Variants in TFEB observed in about 807,000 individuals in gnomAD.
TFEB encodes T-cell transcription factor EB.
Under a neutral mutation model 48.0 loss-of-function variants are expected in TFEB, and 12 were observed. That is an observed-to-expected ratio of 0.25 (90% CI 0.16 to 0.40). The LOEUF (loss-of-function observed/expected upper bound fraction) is 0.40. Among genes scored for constraint, TFEB ranks in the 10% least tolerant of loss-of-function variants. TFEB has a pLI of 1.00. For synonymous variants in TFEB, 244 were observed against 261.4 expected, an observed-to-expected ratio of 0.93 and a Z score of 0.64; for missense variants, 509 against 640.3, an observed-to-expected ratio of 0.79 and a Z score of 2.21.
At position 41,719,408 on chromosome 6, in the gene TFEB, C is replaced by T. The variant is rs567860253; in HGVS notation, c.-23+15942G>A. ...CCATCCATGGAAAAACTGTCTTCCA[C>T]GAAACCAGTCCCTGGTGCCAAAAAG... On this transcript the variant is annotated intron_variant, in intron 1 of 8. Transcript: ENST00000373033. Among the ~76,000 whole-genome samples the T allele has an allele frequency of 7.9e-5, 12 of 152,344 alleles. No individual in the cohort carries two copies. The East Asian group carries it at 1.9e-3, about 24-fold the overall frequency.
chr6:41,713,513 G>A (rs750298434), intron 1 of TFEB, among the ~76,000 whole-genome samples: 2 of 152,174 alleles, frequency 1.3e-5, no homozygotes, highest in Non-Finnish European at 2.9e-5. Context: ...GTAGGCATGG[G>A]CAGCCTACTC....
At chr6:41,703,379 C>T (rs1770039447) in intron 1 of TFEB, among the ~76,000 whole-genome samples, 1 of 152,174 alleles carries the variant, frequency 6.6e-6, no homozygotes, top group Non-Finnish European at 1.5e-5. Flanking sequence ...CGCCTCAGCC[C>T]TCCCTGCCCC....
chr6:41,701,006 C>T (rs1769890773), intron 1 of TFEB, among the ~76,000 whole-genome samples: 1 of 152,232 alleles, frequency 6.6e-6, no homozygotes, highest in South Asian at 2.1e-4. Context: ...GGACATGTAG[C>T]TAATAGGAAC....
rs367965298 is a variant in TFEB, at chr6:41,716,991, G to A, written c.-23+18359C>T. ...CAGGTGACCGGCCACCCTCCATGAA[G>A]GGTGGGGGCATCAAAGGACTGGGCA... On this transcript the variant is annotated intron_variant, in intron 1 of 8. Transcript: ENST00000373033. Among the ~76,000 whole-genome samples, 35 of 152,310 alleles carry A rather than the reference G, an allele frequency of 2.3e-4. No individual in the cohort carries two copies. The East Asian group carries it at 5.4e-3, about 24-fold the overall frequency.
At chr6:41,705,451 G>T (rs1428957633) in intron 1 of TFEB, among the ~76,000 whole-genome samples, 5 of 152,150 alleles carry the variant, frequency 3.3e-5, no homozygotes, top group African/African-American at 9.7e-5. Context: ...TGACTTCAGG[G>T]TTCCCTGAGA....
At chr6:41,731,983 C>A (rs73733013) in intron 1 of TFEB, among the ~76,000 whole-genome samples, 1 of 152,186 alleles carries the variant, frequency 6.6e-6, no homozygotes, top group Non-Finnish European at 1.5e-5. Flanking sequence ...GGCCAGGAAA[C>A]AGGTATGGTG....
Position 41,720,708 on chromosome 6 carries a change from A to G in TFEB, c.-23+14642T>C. 1 of 152,290 alleles carries G rather than the reference A, an allele frequency of 6.6e-6. No homozygotes were observed. Among genetic ancestry groups the G allele is most frequent in the Non-Finnish European group, 1.5e-5 (1 of 68,052 alleles). 9.4% of individuals were successfully genotyped at this position (152,290 alleles called of 1,614,324 possible). On this transcript the variant is annotated intron_variant, in intron 1 of 8. Coordinates refer to ENST00000373033, the MANE Select transcript of TFEB (RefSeq NM_001271944.2). This position sits in a 1 kb window ranked among gnomAD's most constrained non-coding sequence, Gnocchi z 4.1. The stretch of plus-strand genomic sequence containing the variant: ...GGCCAGGCCCACGTGGGTCTCACCC[A>G]TAGTGACTACAGATCCTGCAAGCTG...
intron 1 of TFEB, among the ~76,000 whole-genome samples, chr6:41,713,574 A>T (rs1166206968): frequency 7.2e-5 from 11 of 151,920 alleles, no homozygotes; most frequent in African/African-American, 2.7e-4. Flanking sequence ...GCAGCCACCT[A>T]CCCCCAGGGA....
intron 1 of TFEB, among the ~76,000 whole-genome samples, chr6:41,694,003 C>T (rs1769446639): frequency 6.6e-6 from 1 of 151,968 alleles, no homozygotes; most frequent in African/African-American, 2.4e-5. Flanking sequence ...CTGGCTCACC[C>T]CCCCACCCTT....
chr6:41,695,927 AC>A (rs1248094450), intron 1 of TFEB, among the ~76,000 whole-genome samples: 1 of 152,138 alleles, frequency 6.6e-6, no homozygotes, highest in African/African-American at 2.4e-5. Flanking sequence ...CCCCAGCTCC[AC>A]CTGGGCTGGC....
Position 41,684,928 on chromosome 6 carries a change from C to T in TFEB, c.1102G>A (p.Asp368Asn). Residue 368 changes from aspartate (D) to asparagine (N), a missense_variant, in exon 9 of 9, where the codon GAC (aspartate) becomes AAC (asparagine). Around this residue, in one of 4 missense-constraint regions of TFEB, gnomAD observed 168 missense variants for 161.0 expected, o/e 1.04. Transcript: ENST00000373033. ...EALMLGAEVPDPEPLPALPPQ... is the reference protein window; with the variant it reads ...EALMLGAEVPNPEPLPALPPQ... The stretch of plus-strand genomic sequence containing the variant: ...GGCAGAGCTGGCAGTGGCTCAGGGT[C>T]AGGGACCTCAGCCCCCAGCATCAGG... The T allele has an allele frequency of 1.9e-6, 3 of 1,584,812 alleles. No individual in the cohort carries two copies. Among genetic ancestry groups the T allele is most frequent in the Non-Finnish European group, 2.6e-6 (3 of 1,165,694 alleles).
At position 41,723,336 on chromosome 6, in the gene TFEB, A is replaced by C; in HGVS notation, c.-23+12014T>G. The C allele has an allele frequency of 1.7e-6, 1 of 596,984 alleles. No homozygotes were observed. Among genetic ancestry groups the C allele is most frequent in the Admixed American group, 2.4e-5 (1 of 40,966 alleles). 37.0% of individuals were successfully genotyped at this position (596,984 alleles called of 1,614,324 possible). On this transcript the variant is annotated intron_variant, in intron 1 of 8. Coordinates refer to ENST00000373033, the MANE Select transcript of TFEB (RefSeq NM_001271944.2). The surrounding 1 kb of genome is among the most constrained non-coding windows in gnomAD (Gnocchi z 6.0). Reference sequence around the variant, plus strand: ...CATCCCTACCCACCCACCTCCCCAAAGACACCACACGCATGCACATACACT... The same window carrying C: ...CATCCCTACCCACCCACCTCCCCAACGACACCACACGCATGCACATACACT...
intron 6 of TFEB, 99 bp from the exon 7 acceptor site, chr6:41,687,268 C>T (rs1769060349): frequency 1.0e-6 from 1 of 990,560 alleles, no homozygotes; most frequent in South Asian, 1.3e-5. Flanking sequence ...TTCAGGGCAG[C>T]CTGCAGCTTA....
intron 1 of TFEB, among the ~76,000 whole-genome samples, chr6:41,731,132 C>A (rs1382182740): frequency 2.0e-5 from 3 of 152,192 alleles, no homozygotes; most frequent in Non-Finnish European, 4.4e-5. Flanking sequence ...CTAAGTACTA[C>A]ATGTGCATCA....
chr6:41,715,950 T>G (rs1770719065), intron 1 of TFEB, among the ~76,000 whole-genome samples: 1 of 152,130 alleles, frequency 6.6e-6, no homozygotes, highest in Non-Finnish European at 1.5e-5. Flanking sequence ...CAACTTCCTC[T>G]GAGCCCCACT....
intron 1 of TFEB, among the ~76,000 whole-genome samples, chr6:41,693,489 T>C (rs1359828175): frequency 1.3e-5 from 2 of 152,106 alleles, no homozygotes; most frequent in African/African-American, 4.8e-5. Flanking sequence ...TCTGAGCCCA[T>C]GCTGGGGAGG....
intron 1 of TFEB, among the ~76,000 whole-genome samples, chr6:41,700,459 C>T (rs1769851576): frequency 7.7e-6 from 1 of 130,094 alleles, no homozygotes; most frequent in South Asian, 2.3e-4. Flanking sequence ...GAGCGAGACT[C>T]CGTCTCAAAA....
At chr6:41,736,121 G>A, upstream of TFEB, 1 of 1,612,764 alleles carries the variant, frequency 6.2e-7, no homozygotes, top group Non-Finnish European at 8.5e-7. Flanking sequence ...CCCCATTATG[G>A]GTTCTACATT....
Position 41,684,839 on chromosome 6 carries a change from G to T in TFEB, c.1191C>A (p.Ser397Arg). 1 of 1,584,610 alleles carries T rather than the reference G, an allele frequency of 6.3e-7. No homozygotes were observed. Among genetic ancestry groups the T allele is most frequent in the Non-Finnish European group, 8.6e-7 (1 of 1,163,668 alleles). The change falls in exon 9 of 9, where the codon AGC (serine) becomes AGA (arginine). Residue 397 changes from serine (S) to arginine (R), a missense_variant. Coordinates refer to ENST00000373033, the MANE Select transcript of TFEB (RefSeq NM_001271944.2). ...CCCTGCCCCCAAAGCTCAGGCTGTG[G>T]CTGAAGTCCAGGTGATGGAATGGGG... The part of the protein sequence containing the change: ...PPSPFHHLDF[S>R]HSLSFGGRED...
Sources: gnomAD v4.1 joint callset for allele counts (sites outside exome capture counted in the v4.1 genomes callset) on GRCh38, gnomAD v4.1.1 for gene constraint, gnomAD v4.1.1 regional missense constraint, Gnocchi (gnomAD v3.1) non-coding constraint, MANE v1.5 for transcripts, NCBI Gene and HGNC (gene_info 2026-07-23, HGNC 2026-07-21) for gene names.